FHIT: variants seen among roughly 807,000 people sequenced by gnomAD.
FHIT encodes bis(5'-adenosyl)-triphosphatase.
FHIT carries 19 observed loss-of-function variants against 17.9 expected under a neutral mutation model. That is an observed-to-expected ratio of 1.06 (90% CI 0.74 to 1.56). The LOEUF (loss-of-function observed/expected upper bound fraction) is 1.56, where lower values mean the gene tolerates loss of function less well. Ranked by LOEUF, FHIT falls within the 40% of genes most tolerant of loss-of-function variation. The pLI is 0.00. For synonymous variants in FHIT, 81 were observed against 69.7 expected, an observed-to-expected ratio of 1.16 and a Z score of -0.81; for missense variants, 248 against 189.2, an observed-to-expected ratio of 1.31 and a Z score of -1.82.
intron 5 of FHIT, among the ~76,000 whole-genome samples, chr3:60,511,771 A>C (rs1156518857): frequency 1.3e-5 from 2 of 152,184 alleles, no homozygotes; most frequent in South Asian, 2.1e-4. Flanking sequence ...TCCAGATCTG[A>C]AGCAGGGAAA....
intron 5 of FHIT, among the ~76,000 whole-genome samples, chr3:60,046,099 G>T (rs1197883570): frequency 6.6e-6 from 1 of 152,158 alleles, no homozygotes; most frequent in African/African-American, 2.4e-5. Flanking sequence ...TTTCATATAT[G>T]AATACTTCTA....
rs149865207 is a variant in FHIT at position 60,837,677 on chromosome 3, G to A, written c.-110-15666C>T. 1.6e-3 allele frequency among the ~76,000 whole-genome samples: 249 copies of A among 152,016 alleles called. 2 individuals are homozygous for A. The highest frequency in any genetic ancestry group is 5.7e-3 in the African/African-American group (235 of 41,506). The stretch of plus-strand genomic sequence containing the variant: ...TTATTTTCTGTTTGTTCTCTTTGTG[G>A]TTTTCTGTTTTCTTTGCCCAGACTT... On this transcript the variant is annotated intron_variant, in intron 3 of 9. Transcript: ENST00000492590.
chr3:60,973,549 TC>T (rs1710115293), intron 3 of FHIT, among the ~76,000 whole-genome samples: 1 of 152,198 alleles, frequency 6.6e-6, no homozygotes, highest in Non-Finnish European at 1.5e-5. Flanking sequence ...AGCCCTGAAC[TC>T]CACTGGTCAG....
At chr3:59,945,884 T>C (rs1441206872) in intron 7 of FHIT, among the ~76,000 whole-genome samples, 1 of 152,220 alleles carries the variant, frequency 6.6e-6, no homozygotes, top group African/African-American at 2.4e-5. Context: ...TCCATTGGTC[T>C]GTGAGTCTGG....
intron 5 of FHIT, among the ~76,000 whole-genome samples, chr3:60,249,550 C>A (rs1221950747): frequency 6.6e-6 from 1 of 151,174 alleles, no homozygotes; most frequent in Non-Finnish European, 1.5e-5. Flanking sequence ...TTTTTTTCAA[C>A]AGTTATCAGA....
chr3:60,275,844 T>A (rs778495147), intron 5 of FHIT, among the ~76,000 whole-genome samples: 1 of 152,224 alleles, frequency 6.6e-6, no homozygotes, highest in Non-Finnish European at 1.5e-5. Context: ...TGCCTTGCAA[T>A]CTGTAGTTGT....
rs1256260680 is a variant in FHIT at position 60,518,771 on chromosome 3, G to A, written c.103+18089C>T. ...TGCCTGTAATCCAAGCACTATGGGA[G>A]GCAGAGGCAGGCAGATTGCTTGAGG... On this transcript the variant is annotated intron_variant, in intron 5 of 9. Coordinates refer to ENST00000492590, the MANE Select transcript of FHIT (RefSeq NM_002012.4). 2.6e-5 allele frequency among the ~76,000 whole-genome samples: 4 copies of A among 152,194 alleles called. No homozygotes were observed. In the East Asian group the frequency reaches 5.8e-4, roughly 22 times the overall value.
intron 8 of FHIT, among the ~76,000 whole-genome samples, chr3:59,811,599 G>A (rs1700407872): frequency 6.6e-6 from 1 of 152,022 alleles, no homozygotes; most frequent in Non-Finnish European, 1.5e-5. Context: ...AAGAAAGGAA[G>A]GAAGAAAAAG....
At chr3:60,418,423 TATAC>T (rs1174737417) in intron 5 of FHIT, among the ~76,000 whole-genome samples, 6,490 of 30,854 alleles carry the variant, frequency 0.21, 868 homozygotes, top group Non-Finnish European at 0.3. Flanking sequence ...TATATATATA[TATAC>T]GTGTATACAC....
At chr3:60,077,895 C>A (rs1423251713) in intron 5 of FHIT, among the ~76,000 whole-genome samples, 2 of 151,934 alleles carry the variant, frequency 1.3e-5, no homozygotes, top group East Asian at 1.9e-4. Flanking sequence ...TCTGAGATAA[C>A]AGACGTTGAT....
At chr3:60,687,018 T>C (rs2040875496) in intron 4 of FHIT, among the ~76,000 whole-genome samples, 2 of 152,224 alleles carry the variant, frequency 1.3e-5, no homozygotes, top group Admixed American at 1.3e-4. Context: ...GAAATTGTTC[T>C]TTGGGATTTA....
chr3:60,722,496 C>T (rs1553708291), intron 4 of FHIT, among the ~76,000 whole-genome samples: 1 of 152,226 alleles, frequency 6.6e-6, no homozygotes, highest in African/African-American at 2.4e-5. Flanking sequence ...GATTTCTCAA[C>T]CTTGGCACTG....
intron 7 of FHIT, among the ~76,000 whole-genome samples, chr3:59,946,927 C>T (rs528419856): frequency 7.2e-5 from 11 of 152,162 alleles, no homozygotes; most frequent in East Asian, 1.9e-4. Context: ...TATTTGGTTG[C>T]GGATTTTTAT....
intron 5 of FHIT, among the ~76,000 whole-genome samples, chr3:60,264,610 G>C (rs1029763004): frequency 2.0e-5 from 3 of 151,934 alleles, no homozygotes; most frequent in African/African-American, 7.2e-5. Flanking sequence ...AAGCACAATA[G>C]AGCAAACACT....
intron 2 of FHIT, among the ~76,000 whole-genome samples, chr3:61,198,360 T>C (rs2038912692): frequency 6.6e-6 from 1 of 152,118 alleles, no homozygotes; most frequent in Non-Finnish European, 1.5e-5. Context: ...AAGAATCAAA[T>C]TCCAAAGAAG....
intron 4 of FHIT, among the ~76,000 whole-genome samples, chr3:60,773,356 C>T: frequency 6.7e-6 from 1 of 149,334 alleles, no homozygotes; most frequent in African/African-American, 2.4e-5. Context: ...CAAACATCTC[C>T]CTAGACTTCA....
chr3:60,180,265 C>T (rs1052217865), intron 5 of FHIT, among the ~76,000 whole-genome samples: 21 of 152,196 alleles, frequency 1.4e-4, no homozygotes, highest in African/African-American at 4.8e-4. Context: ...AAAAATATAC[C>T]GTGCTGTTGC....
At chr3:60,499,800 C>T (rs1370095875) in intron 5 of FHIT, among the ~76,000 whole-genome samples, 4 of 152,144 alleles carry the variant, frequency 2.6e-5, no homozygotes, top group Non-Finnish European at 5.9e-5. Context: ...GGTCCCTCCT[C>T]GTTAGTTCTT....
At chr3:60,106,597 G>A (rs917025680) in intron 5 of FHIT, among the ~76,000 whole-genome samples, 1 of 152,160 alleles carries the variant, frequency 6.6e-6, no homozygotes, top group Non-Finnish European at 1.5e-5. Context: ...ATCCCCTGTG[G>A]ATAAGGGGGT....
Sources: allele counts gnomAD v4.1 joint callset (sites outside exome capture counted in the v4.1 genomes callset), GRCh38; gene constraint gnomAD v4.1.1; transcripts MANE v1.5; gene names NCBI Gene and HGNC (gene_info 2026-07-23, HGNC 2026-07-21).